TRPV2: variants seen among roughly 807,000 people sequenced by gnomAD.
TRPV2 encodes the protein OTRPC2.
A neutral mutation model predicts 91.0 loss-of-function variants in TRPV2; 58 were observed. The observed-to-expected ratio is 0.64, with a 90% CI of 0.52 to 0.79. TRPV2 has a LOEUF of 0.79. Ranked by LOEUF, TRPV2 falls within the 30% of genes least tolerant of loss-of-function variation. The pLI, the probability that TRPV2 is intolerant of heterozygous loss-of-function variation, is 0.00. For missense variants in TRPV2, 807 were observed against 969.6 expected (o/e 0.83, Z 2.23); for synonymous variants, 417 against 414.8 (o/e 1.01, Z -0.06).
chr17:16,425,127 C>T (rs145964330), intron 5 of TRPV2, among the ~76,000 whole-genome samples: 2,948 of 149,032 alleles, frequency 0.02, 85 homozygotes, highest in African/African-American at 0.069. Context: ...GGAGTTCAAG[C>T]GATTCTCTTG....
At position 16,433,685 on chromosome 17, in the gene TRPV2, C is replaced by A; in HGVS notation, c.2101C>A (p.Arg701Ser). ...TAAGCCAGATGGCAGCCCCGATGAG[C>A]GCTGGTGCTTCAGGTGAGTGAGTGG... ...GTKPDGSPDE[R>S]WCFRVEEVNW... The change falls in exon 13 of 15, where the codon CGC (arginine) becomes AGC (serine). Residue 701 changes from arginine (R) to serine (S), a missense_variant. By Grantham distance (110) the Arg-to-Ser change is moderately radical (BLOSUM62 -1). Coordinates refer to ENST00000338560, the MANE Select transcript of TRPV2 (RefSeq NM_016113.5). 6.2e-7 allele frequency: 1 copy of A among 1,613,862 alleles called. No homozygotes were observed. The highest frequency in any genetic ancestry group is 8.5e-7 in the Non-Finnish European group (1 of 1,179,952).
At position 16,426,970 on chromosome 17, in the gene TRPV2, G is replaced by A; in HGVS notation, c.1251+93G>A. 2 of 1,425,916 alleles carry A rather than the reference G, an allele frequency of 1.4e-6. No individual in the cohort carries two copies. The highest frequency in any genetic ancestry group is 1.9e-6 in the Non-Finnish European group (2 of 1,050,976). 88.3% of individuals were successfully genotyped at this position (1,425,916 alleles called of 1,614,324 possible). ...TGGGGCAGTAATAGTGCTGAGGCAT[G>A]GGCTGCTGGAGTGACATTCCCAAGC... On this transcript the variant is annotated intron_variant, in intron 7 of 14. Coordinates refer to ENST00000338560, the MANE Select transcript of TRPV2 (RefSeq NM_016113.5). This position sits in a 1 kb window ranked among gnomAD's most constrained non-coding sequence, Gnocchi z 6.0.
rs1012095825 is a variant in TRPV2 at position 16,426,573 on chromosome 17, C to A, written c.1096-149C>A. On this transcript the variant is annotated intron_variant, in intron 6 of 14. Coordinates refer to ENST00000338560, the MANE Select transcript of TRPV2 (RefSeq NM_016113.5). The surrounding 1 kb of genome is among the most constrained non-coding windows in gnomAD (Gnocchi z 6.0). The stretch of plus-strand genomic sequence containing the variant: ...GTCACACTGTAGCTGGGAGGGTTGG[C>A]GTGAGGTCCTTTGGGGCTCCTGGGG... 3.2e-6 allele frequency: 3 copies of A among 933,070 alleles called. No individual in the cohort carries two copies. Among genetic ancestry groups the A allele is most frequent in the African/African-American group, 3.3e-5 (2 of 59,878 alleles). 57.8% of individuals were successfully genotyped at this position (933,070 alleles called of 1,614,324 possible). A position where few individuals can be genotyped will look rare whatever the true frequency, so the allele number is the denominator to read the frequency against.
chr17:16,432,252 G>A lies in TRPV2; in HGVS notation c.1941G>A (p.Glu647=). The change falls in exon 12 of 15, where the codon GAG becomes GAA. Residue 647 remains glutamate (E), a synonymous_variant. Coordinates refer to ENST00000338560, the MANE Select transcript of TRPV2 (RefSeq NM_016113.5). ...ACATGCTCATCGCCCTCATGAGCGA[G>A]ACCGTCAACAGTGTCGCCACTGACA... The part of the protein sequence containing the change: ...LLNMLIALMS[E]TVNSVATDSW... 3.1e-6 allele frequency: 5 copies of A among 1,613,028 alleles called. No homozygotes were observed.
chr17:16,424,811 T>G (rs1415741693), intron 5 of TRPV2, among the ~76,000 whole-genome samples: 3 of 151,532 alleles, frequency 2.0e-5, no homozygotes, highest in Non-Finnish European at 4.4e-5. Flanking sequence ...ATTTAAAAAT[T>G]TTTATAATCT....
At chr17:16,417,350 C>T (rs1244241347) in intron 1 of TRPV2, among the ~76,000 whole-genome samples, 1 of 150,248 alleles carries the variant, frequency 6.7e-6, no homozygotes, top group Non-Finnish European at 1.5e-5. Context: ...AAGCAATTCT[C>T]CTGCCTCACC....
At chr17:16,420,339 G>C (rs1301417516) in intron 3 of TRPV2, 91 bp downstream of exon 3, 2 of 1,470,808 alleles carry the variant, frequency 1.4e-6, no homozygotes, top group Non-Finnish European at 1.9e-6. Flanking sequence ...CAGGAGCTGA[G>C]GAGTGAGTGT....
At chr17:16,434,842 G>A (rs1161841903) in intron 13 of TRPV2, 48 bp from the exon 14 acceptor site, 2 of 1,583,850 alleles carry the variant, frequency 1.3e-6, no homozygotes, top group Non-Finnish European at 1.7e-6. Context: ...GGGTGGGAGG[G>A]GAGGCGGTCA....
intron 2 of TRPV2, among the ~76,000 whole-genome samples, chr17:16,418,978 CAG>C: frequency 6.6e-6 from 1 of 151,204 alleles, no homozygotes; most frequent in South Asian, 2.1e-4. Context: ...TTGCAGTGAG[CAG>C]AGATTATGCC....
rs193299383 is a variant in TRPV2 at position 16,422,026 on chromosome 17, C to T, written c.335-573C>T. On this transcript the variant is annotated intron_variant, in intron 3 of 14. Transcript: ENST00000338560. ...TGTCTTAGAAATTTAGTTTCTAAGC[C>T]GGGCGCAGTGGCTCACGCCTGTAAT... is the stretch of plus-strand genomic sequence containing the variant. Among the ~76,000 whole-genome samples the T allele has an allele frequency of 5.3e-3, 804 of 151,180 alleles. 8 individuals carry two copies. Among genetic ancestry groups the T allele is most frequent in the Middle Eastern group, 6.8e-3 (2 of 294 alleles).
rs573287896 is a variant in TRPV2, at chr17:16,428,846, C to A, written c.1451C>A (p.Ser484Tyr). The A allele has an allele frequency of 1.2e-6, 2 of 1,613,818 alleles. No individual in the cohort carries two copies. Among genetic ancestry groups the A allele is most frequent in the African/African-American group, 2.7e-5 (2 of 75,030 alleles). Reference protein sequence around the residue: ...FLFQALLTVVSQVLCFLAIEW... With the variant: ...FLFQALLTVVYQVLCFLAIEW... ...TTCCAGGCCCTGCTCACAGTGGTGT[C>A]CCAGGTGCTGTGTTTCCTGGCCATC... The change falls in exon 10 of 15, where the codon TCC (serine) becomes TAC (tyrosine). Residue 484 changes from serine (S) to tyrosine (Y), a missense_variant. Coordinates refer to ENST00000338560, the MANE Select transcript of TRPV2 (RefSeq NM_016113.5).
chr17:16,431,952 C>T lies in TRPV2; in HGVS notation c.1655-14C>T. On this transcript the variant is annotated splice_polypyrimidine_tract_variant and intron_variant, in intron 11 of 14. Transcript: ENST00000338560. ...GTCTCCTGGGCTAAGGACCCCTCTC[C>T]CTTCATCCCATAGCCCTGGTGAGCC... 1 of 1,609,310 alleles carries T rather than the reference C, an allele frequency of 6.2e-7. No homozygotes were observed. Among genetic ancestry groups the T allele is most frequent in the Non-Finnish European group, 8.5e-7 (1 of 1,177,066 alleles).
chr17:16,423,585 G>A lies in TRPV2; in HGVS notation c.742G>A (p.Val248Ile). The A allele has an allele frequency of 1.2e-6, 2 of 1,614,228 alleles. No individual in the cohort carries two copies. The highest frequency in any genetic ancestry group is 1.7e-6 in the Non-Finnish European group (2 of 1,180,046). Residue 248 changes from valine to isoleucine, a missense_variant, in exon 5 of 15, where the codon GTC becomes ATC. Val to Ile is a conservative substitution (Grantham distance 29). Coordinates refer to ENST00000338560, the MANE Select transcript of TRPV2 (RefSeq NM_016113.5). Reference sequence around the variant, plus strand: ...GGCCACTGACTCCCAGGGCAACACAGTCCTGCATGCCCTAGTGATGATCTC... The same window carrying A: ...GGCCACTGACTCCCAGGGCAACACAATCCTGCATGCCCTAGTGATGATCTC... ...LQATDSQGNT[V>I]LHALVMISDN...
In TRPV2 at chr17:16,420,157, T is replaced by C. The variant is rs2093349804; in HGVS notation, c.243T>C (p.Asn81=). Residue 81 remains asparagine (N), a synonymous_variant, in exon 3 of 15, where the codon AAT becomes AAC. Transcript: ENST00000338560. ...GATTTGACCGAGATCGGCTCTTCAA[T>C]GCGGTCTCCCGGGGTGTCCCCGAGG... ...PNRFDRDRLF[N]AVSRGVPEDL... is the part of the protein sequence containing the mutation. 2 of 1,613,982 alleles carry C rather than the reference T, an allele frequency of 1.2e-6. No individual in the cohort carries two copies. The highest frequency in any genetic ancestry group is 2.2e-5 in the East Asian group (1 of 44,898).
Position 16,428,388 on chromosome 17 carries a change from G to T in TRPV2, c.1421+1G>T. ...TAGACAGCTACTTTGAAATCCTCTT[G>T]TACGTGGGTTCTCACTCCTCCTTCT... On this transcript the variant is annotated splice_donor_variant, in intron 9 of 14. Coordinates refer to ENST00000338560, the MANE Select transcript of TRPV2 (RefSeq NM_016113.5). LOFTEE classifies it high-confidence loss of function. The T allele has an allele frequency of 6.2e-7, 1 of 1,614,086 alleles. No homozygotes were observed. Among genetic ancestry groups the T allele is most frequent in the South Asian group, 1.1e-5 (1 of 91,088 alleles).
At chr17:16,427,980 T>G (rs2093391793) in intron 8 of TRPV2, among the ~76,000 whole-genome samples, 1 of 152,016 alleles carries the variant, frequency 6.6e-6, no homozygotes. Context: ...CATTGGGACC[T>G]CCGCAGAGTG....
Position 16,428,975 on chromosome 17 carries a change from T to G in TRPV2, c.1580T>G (p.Ile527Ser), listed in dbSNP as rs752234280. 6.2e-7 allele frequency: 1 copy of G among 1,614,162 alleles called. No homozygotes were observed. Among genetic ancestry groups the G allele is most frequent in the Non-Finnish European group, 8.5e-7 (1 of 1,180,026 alleles). Residue 527 changes from isoleucine to serine, a missense_variant, in exon 10 of 15, where the codon ATC becomes AGC. Transcript: ENST00000338560. Reference protein sequence around the residue: ...FQHTGIYSVMIQKVILRDLLR... With the variant: ...FQHTGIYSVMSQKVILRDLLR... The stretch of plus-strand genomic sequence containing the variant: ...CACACAGGCATCTACAGTGTCATGA[T>G]CCAGAAGGTGAGAGAAGGGGGTGGC...
intron 14 of TRPV2, 131 bp from the exon 15 acceptor site, chr17:16,436,658 T>C: frequency 1.5e-6 from 1 of 685,544 alleles, no homozygotes; most frequent in South Asian, 1.7e-5. Context: ...GAAGGATTGC[T>C]GGCCTCCAGG....
intron 5 of TRPV2, among the ~76,000 whole-genome samples, chr17:16,424,568 T>A (rs2093374130): frequency 6.6e-6 from 1 of 152,214 alleles, no homozygotes; most frequent in Admixed American, 6.5e-5. Flanking sequence ...AGTGCTGGGA[T>A]TACAGGTGTG....
Sources: allele counts gnomAD v4.1 joint callset (sites outside exome capture counted in the v4.1 genomes callset), GRCh38; gene constraint gnomAD v4.1.1; non-coding constraint Gnocchi (gnomAD v3.1); transcripts MANE v1.5; gene names NCBI Gene and HGNC (gene_info 2026-07-23, HGNC 2026-07-21).